The following JAKMIP3 variants were observed in gnomAD, a reference collection of about 807,000 sequenced individuals.
The protein encoded by JAKMIP3 is Janus kinase and microtubule interacting protein 3, also known as janus kinase and microtubule-interacting protein 3.
JAKMIP3 carries 58 observed loss-of-function variants against 118.5 expected under a neutral mutation model. The observed-to-expected ratio is 0.49, with a 90% CI of 0.40 to 0.61. The LOEUF (loss-of-function observed/expected upper bound fraction) is 0.61. Ranked by LOEUF, JAKMIP3 falls within the 20% of genes least tolerant of loss-of-function variation. JAKMIP3 has a pLI of 0.00. For synonymous variants in JAKMIP3, 486 were observed against 451.2 expected (o/e 1.08, Z -0.98); for missense variants, 950 against 1,109.0 (o/e 0.86, Z 2.04).
intron 19 of JAKMIP3, among the ~76,000 whole-genome samples, chr10:132,160,132 G>A (rs2932951): frequency 2.6e-5 from 1 of 38,154 alleles, no homozygotes; most frequent in East Asian, 1.3e-3. Flanking sequence ...GTGTGATGCT[G>A]GGGGGGGTCT....
At chr10:132,095,113 G>A (rs1262854795) in intron 1 of JAKMIP3, among the ~76,000 whole-genome samples, 1 of 152,202 alleles carries the variant, frequency 6.6e-6, no homozygotes, top group Non-Finnish European at 1.5e-5. Flanking sequence ...CTTCCAGGCA[G>A]TGGGCCAGCA....
intron 1 of JAKMIP3, among the ~76,000 whole-genome samples, chr10:132,051,770 T>A (rs1390585769): frequency 1.3e-5 from 2 of 152,068 alleles, no homozygotes; most frequent in Non-Finnish European, 2.9e-5. Context: ...CACACCCAGC[T>A]CATTTTTATA....
At chr10:132,051,393 T>C (rs571154826) in intron 1 of JAKMIP3, among the ~76,000 whole-genome samples, 1 of 151,910 alleles carries the variant, frequency 6.6e-6, no homozygotes, top group African/African-American at 2.4e-5. Flanking sequence ...CCTGGCATGG[T>C]TGGTCTTGTT....
At position 132,135,203 on chromosome 10, in the gene JAKMIP3, T is replaced by C. The variant is rs934131036; in HGVS notation, c.969+43T>C. The C allele has an allele frequency of 7.0e-6, 11 of 1,563,466 alleles. No homozygotes were observed. The Admixed American group carries it at 1.4e-4, about 20-fold the overall frequency. On this transcript the variant is annotated intron_variant, in intron 5 of 23. Coordinates refer to ENST00000684848, the MANE Select transcript of JAKMIP3 (RefSeq NM_001323087.2). ...CTTCTGGCTCCTGGGGGTTTGTGAC[T>C]GCGGAGCTGGGGACCTGGGGGGCAT...
chr10:132,156,057 A>G (rs932425862), intron 19 of JAKMIP3, among the ~76,000 whole-genome samples: 7 of 152,132 alleles, frequency 4.6e-5, no homozygotes, highest in Non-Finnish European at 7.4e-5. Context: ...CACTTGATGT[A>G]AAAAGCAGAG....
At chr10:132,107,049 A>AT (rs34703494) in intron 2 of JAKMIP3, among the ~76,000 whole-genome samples, 5,202 of 131,648 alleles carry the variant, frequency 0.04, 136 homozygotes, top group South Asian at 0.14. Flanking sequence ...ATGTCCGGCT[A>AT]TTTTTTTTTT....
chr10:132,061,246 ACACACACACCTGCCGTGATGGCG>A (rs1564855403), upstream of JAKMIP3, among the ~76,000 whole-genome samples: 3 of 56,230 alleles, frequency 5.3e-5, no homozygotes, highest in Admixed American at 2.4e-4. Flanking sequence ...GTGACGGCGC[ACACACACACCTGCCGTGATGGCG>A]CGCACACACA....
At chr10:132,069,162 A>G (rs1462011537) in intron 1 of JAKMIP3, among the ~76,000 whole-genome samples, 1 of 151,934 alleles carries the variant, frequency 6.6e-6, no homozygotes, top group Admixed American at 6.5e-5. Context: ...CCAGACATCC[A>G]CCTGCCTGGT....
chr10:132,048,667 CTTTTT>C (rs35729418), intron 1 of JAKMIP3, among the ~76,000 whole-genome samples: 1 of 129,804 alleles, frequency 7.7e-6, no homozygotes, highest in Admixed American at 8.2e-5. Context: ...TGTTTCTTTT[CTTTTT>C]TTTTTTTTTT....
Position 132,117,619 on chromosome 10 carries a change from G to A in JAKMIP3, c.633+45G>A, listed in dbSNP as rs1219529264. ...CGGGCGTGGGCGAGGGTGCAGGGGC[G>A]GGCGTGGGCGAGGGTGCAGGGGCGG... On this transcript the variant is annotated intron_variant, in intron 3 of 23. Transcript: ENST00000684848. This position sits in a 1 kb window ranked among gnomAD's most constrained non-coding sequence, Gnocchi z 8.6. 1.5e-5 allele frequency: 16 copies of A among 1,094,320 alleles called. No individual in the cohort carries two copies. The highest frequency in any genetic ancestry group is 1.1e-4 in the South Asian group (7 of 63,480). The allele number at this position is 1,094,320 out of a possible 1,614,324, so 67.8% of individuals were successfully genotyped here. A position where few individuals can be genotyped will look rare whatever the true frequency, so the allele number is the denominator to read the frequency against.
At chr10:132,069,067 T>G (rs61865707) in intron 1 of JAKMIP3, among the ~76,000 whole-genome samples, 24,360 of 152,158 alleles carry the variant, frequency 0.16, 2,159 homozygotes, top group Admixed American at 0.22. Context: ...TCCAATGTGT[T>G]TAATTGGGTA....
At chr10:132,056,827 C>T (rs1044494698) in intron 1 of JAKMIP3, among the ~76,000 whole-genome samples, 4 of 152,178 alleles carry the variant, frequency 2.6e-5, no homozygotes, top group South Asian at 2.1e-4. Context: ...GGAGGGCTCT[C>T]GCCTGGCCTG....
intron 1 of JAKMIP3, among the ~76,000 whole-genome samples, chr10:132,087,135 T>C (rs1336048006): frequency 6.6e-6 from 1 of 152,218 alleles, no homozygotes; most frequent in African/African-American, 2.4e-5. Context: ...TTTTACTGGA[T>C]ACAAAAGAGT....
At chr10:132,126,742 T>C (rs1297066790) in intron 3 of JAKMIP3, among the ~76,000 whole-genome samples, 1 of 132,264 alleles carries the variant, frequency 7.6e-6, no homozygotes, top group Non-Finnish European at 1.8e-5. Context: ...TAAATCAAAA[T>C]GATCATGTGT....
chr10:132,133,592 T>G (rs1211081961), intron 4 of JAKMIP3, 65 bp downstream of exon 4: 1 of 1,418,482 alleles, frequency 7.0e-7, no homozygotes, highest in African/African-American at 1.4e-5. Context: ...TGTGGCTGCA[T>G]GGCCCTGCAT....
chr10:132,082,689 C>T (rs1234799730), intron 1 of JAKMIP3, among the ~76,000 whole-genome samples: 6 of 151,980 alleles, frequency 3.9e-5, no homozygotes, highest in Admixed American at 2.6e-4. Context: ...AGGCTCACTG[C>T]AACCTCCGCC....
rs1297299037 is a variant in JAKMIP3, at chr10:132,049,211, G to A, written c.-138+12473G>A. On this transcript the variant is annotated intron_variant, in intron 1 of 23. Transcript: ENST00000657785. The surrounding 1 kb of genome is among the most constrained non-coding windows in gnomAD (Gnocchi z 4.3). ...TAGCGGCTGGCGAGCTCTTTGCACCGTGGATTCGGGTCTGTTTCTATGTAG... is the reference window on the plus strand; with the variant it reads ...TAGCGGCTGGCGAGCTCTTTGCACCATGGATTCGGGTCTGTTTCTATGTAG... 6.6e-6 allele frequency among the ~76,000 whole-genome samples: 1 copy of A among 152,080 alleles called. No individual in the cohort carries two copies. The highest frequency in any genetic ancestry group is 2.4e-5 in the African/African-American group (1 of 41,396).
chr10:132,096,418 G>A (rs1179533726), intron 1 of JAKMIP3, among the ~76,000 whole-genome samples: 1 of 152,176 alleles, frequency 6.6e-6, no homozygotes, highest in East Asian at 1.9e-4. Context: ...CTCCTTTGAA[G>A]ATGGCCATGC....
At chr10:132,149,365 G>A in intron 14 of JAKMIP3, 47 bp from the exon 15 acceptor site, 5 of 1,271,006 alleles carry the variant, frequency 3.9e-6, no homozygotes, top group Non-Finnish European at 1.1e-6. Flanking sequence ...CTCTTAGAGG[G>A]AAGGGATGGG....
Sources: allele counts gnomAD v4.1 joint callset (sites outside exome capture counted in the v4.1 genomes callset), GRCh38; gene constraint gnomAD v4.1.1; non-coding constraint Gnocchi (gnomAD v3.1); transcripts MANE v1.5; gene names NCBI Gene and HGNC (gene_info 2026-07-23, HGNC 2026-07-21).